The following MAN2C1 variants were observed in gnomAD, a reference collection of about 807,000 sequenced individuals.
MAN2C1 encodes mannosidase alpha class 2C member 1.
In MAN2C1, 111 loss-of-function variants were observed where a neutral mutation model predicts 126.9. That is an observed-to-expected ratio of 0.87 (90% CI 0.75 to 1.02). The LOEUF (loss-of-function observed/expected upper bound fraction) is 1.02, where lower values mean the gene tolerates loss of function less well. MAN2C1 is among the 50% of genes least tolerant of loss of function. The pLI is 0.00. For synonymous variants in MAN2C1, 567 were observed against 561.5 expected, an observed-to-expected ratio of 1.01 and a Z score of -0.14; for missense variants, 1,363 against 1,364.4, an observed-to-expected ratio of 1.00 and a Z score of 0.02.
chr15:75,356,193 C>G lies in MAN2C1; in HGVS notation c.2913G>C (p.Ser971=). ...GGGCCTCATACAGCCTCAGGACCAG[C>G]GAGCGGCGCTGGGGGCTGCTCTCCG... ...KQAESSPQRR[S]LVLRLYEAHG... Residue 971 remains serine (S), a synonymous_variant, in exon 25 of 26, where the codon TCG becomes TCC. Transcript: ENST00000267978. The surrounding 1 kb of genome is among the most constrained non-coding windows in gnomAD (Gnocchi z 5.8). 1 of 1,613,378 alleles carries G rather than the reference C, an allele frequency of 6.2e-7. No individual in the cohort carries two copies. Among genetic ancestry groups the G allele is most frequent in the South Asian group, 1.1e-5 (1 of 91,066 alleles).
At position 75,359,973 on chromosome 15, in the gene MAN2C1, G is replaced by A. The variant is rs767154654; in HGVS notation, c.1722C>T (p.Asn574=). The A allele has an allele frequency of 4.2e-5, 67 of 1,613,856 alleles. No individual in the cohort carries two copies. Among genetic ancestry groups the A allele is most frequent in the Non-Finnish European group, 5.2e-5 (61 of 1,179,924 alleles). Residue 574 remains asparagine, a synonymous_variant, in exon 15 of 26, where the codon AAC becomes AAT. Transcript: ENST00000267978. ...LQHLWRLLLL[N]QFHDVVTGSC... ...TTCCAGTCACCACATCATGGAACTGGTTCAGAAGAAGGAGCCTGCAGGGGC... is the reference window on the plus strand; with the variant it reads ...TTCCAGTCACCACATCATGGAACTGATTCAGAAGAAGGAGCCTGCAGGGGC...
In MAN2C1 at chr15:75,368,081, G is replaced by T. The variant is rs577643007; in HGVS notation, c.219C>A (p.Phe73Leu). 6.2e-7 allele frequency: 1 copy of T among 1,606,920 alleles called. No individual in the cohort carries two copies. Among genetic ancestry groups the T allele is most frequent in the Non-Finnish European group, 8.5e-7 (1 of 1,177,798 alleles). ...CGCTGGGCGTTACCTACGTGGGTCC[G>T]AAGCTGTCGCCGACCTGCGCGGGGC... ...DFRPAQVGDS[F>L]GPTWWTCWFR... Residue 73 changes from phenylalanine to leucine, a missense_variant, in exon 2 of 26, where the codon TTC becomes TTA. By Grantham distance (22) the Phe-to-Leu change is conservative. Coordinates refer to ENST00000267978, the MANE Select transcript of MAN2C1 (RefSeq NM_006715.4).
chr15:75,360,294 C>G, intron 13 of MAN2C1, 83 bp from the exon 14 acceptor site: 4 of 1,560,586 alleles, frequency 2.6e-6, no homozygotes, highest in Non-Finnish European at 3.5e-6. Context: ...GCTCAGAATC[C>G]CTGAGGACTC....
chr15:75,356,786 C>T lies in MAN2C1; in HGVS notation c.2657+7G>A. Reference sequence around the variant, plus strand: ...CAGCTCCCAGGCCTGGTGGGTACCCCACTTACAGCGAGAGGCTGAGGATGC... The same window carrying T: ...CAGCTCCCAGGCCTGGTGGGTACCCTACTTACAGCGAGAGGCTGAGGATGC... On this transcript the variant is annotated splice_region_variant and intron_variant, in intron 22 of 25. Coordinates refer to ENST00000267978, the MANE Select transcript of MAN2C1 (RefSeq NM_006715.4). The surrounding 1 kb of genome is among the most constrained non-coding windows in gnomAD (Gnocchi z 5.8). The T allele has an allele frequency of 6.2e-7, 1 of 1,614,008 alleles. No individual in the cohort carries two copies. The highest frequency in any genetic ancestry group is 8.5e-7 in the Non-Finnish European group (1 of 1,180,006).
Position 75,358,323 on chromosome 15 carries a change from T to C in MAN2C1, c.2425A>G (p.Lys809Glu). 1.9e-6 allele frequency: 3 copies of C among 1,614,118 alleles called. No homozygotes were observed. The highest frequency in any genetic ancestry group is 2.5e-6 in the Non-Finnish European group (3 of 1,180,036). ...GCAGGGAACTCCACCTTCAGGAACTTGTGGGCCTCATGCCAGTGTACCTGG... is the reference window on the plus strand; with the variant it reads ...GCAGGGAACTCCACCTTCAGGAACTCGTGGGCCTCATGCCAGTGTACCTGG... ...HTEVHWHEAH[K>E]FLKVEFPARV... The change falls in exon 21 of 26, where the codon AAG becomes GAG. Residue 809 changes from lysine to glutamate, a missense_variant. This residue lies in a region of MAN2C1 where 668 missense variants were observed against 650.1 expected (regional missense o/e 1.03). Transcript: ENST00000267978.
At chr15:75,363,254 A>G (rs559543560) in intron 6 of MAN2C1, 18 of 456,178 alleles carry the variant, frequency 3.9e-5, no homozygotes, top group Admixed American at 3.5e-4. Flanking sequence ...CTGTGATCCC[A>G]AAACTTCGGC....
At position 75,364,137 on chromosome 15, in the gene MAN2C1, G is replaced by C. The variant is rs774320403; in HGVS notation, c.652C>G (p.Gln218Glu). The C allele has an allele frequency of 5.0e-6, 8 of 1,614,080 alleles. No homozygotes were observed. The highest frequency in any genetic ancestry group is 6.8e-6 in the Non-Finnish European group (8 of 1,180,042). ...RSFQALYTAN[Q>E]MVNVCDPAQP... is the part of the protein sequence containing the mutation. Reference sequence around the variant, plus strand: ...GCAGGGTCACACACGTTCACCATCTGATTGGCTGTGTACAGGGCCTGGAAG... The same window carrying C: ...GCAGGGTCACACACGTTCACCATCTCATTGGCTGTGTACAGGGCCTGGAAG... The change falls in exon 6 of 26, where the codon CAG (glutamine) becomes GAG (glutamate). Residue 218 changes from glutamine (Q) to glutamate (E), a missense_variant. Physicochemically the swap from Gln to Glu is conservative, Grantham distance 29. Coordinates refer to ENST00000267978, the MANE Select transcript of MAN2C1 (RefSeq NM_006715.4).
At chr15:75,358,094 G>A (rs948582338) in intron 21 of MAN2C1, 107 bp downstream of exon 21, 164 of 1,374,204 alleles carry the variant, frequency 1.2e-4, no homozygotes, top group Admixed American at 1.8e-5. Context: ...ACACACGTTA[G>A]GAAGCAGCAA....
At position 75,361,201 on chromosome 15, in the gene MAN2C1, T is replaced by C. The variant is rs778513180; in HGVS notation, c.1315-10A>G. 1.2e-6 allele frequency: 2 copies of C among 1,610,182 alleles called. No individual in the cohort carries two copies. The highest frequency in any genetic ancestry group is 3.4e-5 in the Admixed American group (2 of 59,298). On this transcript the variant is annotated splice_polypyrimidine_tract_variant and intron_variant, in intron 11 of 25. Transcript: ENST00000267978. This position sits in a 1 kb window ranked among gnomAD's most constrained non-coding sequence, Gnocchi z 5.0. The stretch of plus-strand genomic sequence containing the variant: ...CCACGGTCTTCAGCACCTAGACAGG[T>C]GAGGGCAGGCCAGCATGGATCAGCC...
intron 13 of MAN2C1, 47 bp from the exon 14 acceptor site, chr15:75,360,258 C>T: frequency 6.3e-7 from 1 of 1,595,758 alleles, no homozygotes; most frequent in South Asian, 1.1e-5. Flanking sequence ...TTAGCTGTCC[C>T]AGGACACCTT....
chr15:75,358,140 C>A, intron 21 of MAN2C1, 61 bp downstream of exon 21: 1 of 1,596,518 alleles, frequency 6.3e-7, no homozygotes, highest in Non-Finnish European at 8.6e-7. Context: ...GCCTGTTCCA[C>A]ACAAGCAGTC....
rs1256081872 is a variant in MAN2C1, at chr15:75,362,386, C to T, written c.965G>A (p.Cys322Tyr). 1 of 1,613,976 alleles carries T rather than the reference C, an allele frequency of 6.2e-7. No homozygotes were observed. Among genetic ancestry groups the T allele is most frequent in the Admixed American group, 1.7e-5 (1 of 60,024 alleles). Residue 322 changes from cysteine to tyrosine, a missense_variant, in exon 8 of 26, where the codon TGC becomes TAC. Around this residue, in one of 3 missense-constraint regions of MAN2C1, gnomAD observed 628 missense variants for 609.8 expected, o/e 1.03. Transcript: ENST00000267978. The surrounding 1 kb of genome is among the most constrained non-coding windows in gnomAD (Gnocchi z 4.5). ...GLYSRIQEFA[C>Y]RGQFVPVGGT... is the part of the protein sequence containing the mutation. ...CCCCACAGGCACAAACTGCCCACGG[C>T]ACGCAAACTCCTGGATGCGGGAGTA...
chr15:75,364,214 C>A, intron 5 of MAN2C1, 26 bp from the exon 6 acceptor site: 1 of 1,586,222 alleles, frequency 6.3e-7, no homozygotes, highest in Non-Finnish European at 8.6e-7. Context: ...GCCCCTTAAT[C>A]CCTTTTTCAA....
Position 75,360,313 on chromosome 15 carries a change from C to T in MAN2C1, c.1585-102G>A, listed in dbSNP as rs375170782. 1.9e-5 allele frequency: 28 copies of T among 1,508,844 alleles called. No individual in the cohort carries two copies. In the African/African-American group the frequency reaches 3.4e-4, roughly 19 times the overall value. The allele number at this position is 1,508,844 out of a possible 1,614,324, so 93.5% of individuals were successfully genotyped here. A position where few individuals can be genotyped will look rare whatever the true frequency, so the allele number is the denominator to read the frequency against. On this transcript the variant is annotated intron_variant, in intron 13 of 25. Transcript: ENST00000267978. ...AGAATCCCTGAGGACTCACCAAGGG[C>T]CTCGTGGAGAAGGCCTCTGGCGGGT...
At chr15:75,360,329 T>C in intron 13 of MAN2C1, 118 bp from the exon 14 acceptor site, 1 of 1,445,616 alleles carries the variant, frequency 6.9e-7, no homozygotes, top group Admixed American at 1.9e-5. Context: ...GGAGAAGGCC[T>C]CTGGCGGGTG....
In MAN2C1 at chr15:75,356,197, C is replaced by A. The variant is rs377647987; in HGVS notation, c.2909G>T (p.Arg970Leu). 3.3e-5 allele frequency: 53 copies of A among 1,613,262 alleles called. No individual in the cohort carries two copies. The highest frequency in any genetic ancestry group is 4.1e-5 in the Non-Finnish European group (48 of 1,179,938). The change falls in exon 25 of 26, where the codon CGC becomes CTC. Residue 970 changes from arginine to leucine, a missense_variant. Around this residue, in one of 3 missense-constraint regions of MAN2C1, gnomAD observed 668 missense variants for 650.1 expected, o/e 1.03. Coordinates refer to ENST00000267978, the MANE Select transcript of MAN2C1 (RefSeq NM_006715.4). This position sits in a 1 kb window ranked among gnomAD's most constrained non-coding sequence, Gnocchi z 5.8. ...VKQAESSPQR[R>L]SLVLRLYEAH... is the part of the protein sequence containing the mutation. ...CTCATACAGCCTCAGGACCAGCGAG[C>A]GGCGCTGGGGGCTGCTCTCCGCCTG... is the stretch of plus-strand genomic sequence containing the variant.
rs1417074129 is a variant in MAN2C1, at chr15:75,368,217, T to A, written c.102-19A>T. The A allele has an allele frequency of 6.3e-7, 1 of 1,593,534 alleles. No individual in the cohort carries two copies. Among genetic ancestry groups the A allele is most frequent in the East Asian group, 2.3e-5 (1 of 44,026 alleles). ...AAAAAGCCTGCGTGGGACGGGCCGG[T>A]GGGCACATGCTGGAGGCCGCCCCGT... On this transcript the variant is annotated intron_variant, in intron 1 of 25. Coordinates refer to ENST00000267978, the MANE Select transcript of MAN2C1 (RefSeq NM_006715.4).
chr15:75,368,411 G>C, intron 1 of MAN2C1, 72 bp downstream of exon 1: 1 of 1,492,784 alleles, frequency 6.7e-7, no homozygotes, highest in Non-Finnish European at 9.1e-7. Context: ...CTGCAGCTTA[G>C]GTTTCTCCCC....
In MAN2C1 at chr15:75,359,132, CCA is replaced by C; in HGVS notation, c.2066_2067del (p.Leu689ArgfsTer30). 6.2e-7 allele frequency: 1 copy of C among 1,614,020 alleles called. No individual in the cohort carries two copies. Among genetic ancestry groups the C allele is most frequent in the Non-Finnish European group, 8.5e-7 (1 of 1,180,026 alleles). On this transcript the variant is annotated frameshift_variant, in exon 18 of 26. Coordinates refer to ENST00000267978, the MANE Select transcript of MAN2C1 (RefSeq NM_006715.4). LOFTEE classifies it high-confidence loss of function. ...VVQETDGSVTLDNGIIRVKLD... is the reference protein window; with the variant it reads ...VVQETDGSVTXDNGIIRVKLD... ...AGCTTCACTCGGATGATGCCATTGT[CCA>C]GAGTCACGGAGCCATCAGTCTTTGT...
Sources: allele counts gnomAD v4.1 joint callset, GRCh38; gene constraint gnomAD v4.1.1; regional missense constraint gnomAD v4.1.1; non-coding constraint Gnocchi (gnomAD v3.1); transcripts MANE v1.5; gene names NCBI Gene and HGNC (gene_info 2026-07-23, HGNC 2026-07-21).